Variants in KCNJ16 observed in about 807,000 individuals in gnomAD.
The protein encoded by KCNJ16 is potassium inwardly rectifying channel subfamily J member 16.
A neutral mutation model predicts 18.5 loss-of-function variants in KCNJ16; 15 were observed. The observed-to-expected ratio is 0.81, with a 90% CI of 0.54 to 1.25. The LOEUF (loss-of-function observed/expected upper bound fraction) is 1.25, where lower values mean the gene tolerates loss of function less well. KCNJ16 is among the 50% of genes most tolerant of loss of function. KCNJ16 has a pLI of 0.00. For missense variants in KCNJ16, 523 were observed against 525.7 expected, an observed-to-expected ratio of 0.99 and a Z score of 0.05; for synonymous variants, 174 against 186.5, an observed-to-expected ratio of 0.93 and a Z score of 0.55.
intron 2 of KCNJ16, among the ~76,000 whole-genome samples, chr17:70,111,911 T>G (rs192410422): frequency 2.6e-4 from 39 of 152,296 alleles, no homozygotes; most frequent in African/African-American, 9.1e-4. Flanking sequence ...TTTTTCTGTA[T>G]ATAAATTACC....
chr17:70,121,624 T>C (rs1034997346), intron 2 of KCNJ16, among the ~76,000 whole-genome samples: 3 of 152,064 alleles, frequency 2.0e-5, no homozygotes, highest in African/African-American at 7.2e-5. Context: ...AAGAGTGACA[T>C]GTTTTGGCTT....
In KCNJ16 at chr17:70,079,966, G is replaced by C. The variant is rs536421965; in HGVS notation, c.-300+4576G>C. On this transcript the variant is annotated intron_variant, in intron 1 of 3. Transcript: ENST00000392671. ...AATCCACCCACTTCGGCCTCCCAAAGTGCTGGGATTACAGGCGTGAGCAAC... is the reference window on the plus strand; with the variant it reads ...AATCCACCCACTTCGGCCTCCCAAACTGCTGGGATTACAGGCGTGAGCAAC... Among the ~76,000 whole-genome samples the C allele has an allele frequency of 3.3e-5, 5 of 152,294 alleles. No individual in the cohort carries two copies. The East Asian group carries it at 9.6e-4, about 29-fold the overall frequency.
intron 1 of KCNJ16, among the ~76,000 whole-genome samples, chr17:70,083,806 T>C (rs1405657066): frequency 6.6e-6 from 1 of 152,202 alleles, no homozygotes; most frequent in Non-Finnish European, 1.5e-5. Context: ...TCCCTGTATC[T>C]GGCACTGGAG....
intron 2 of KCNJ16, among the ~76,000 whole-genome samples, chr17:70,122,179 T>A (rs1861550078): frequency 6.6e-6 from 1 of 151,254 alleles, no homozygotes; most frequent in Non-Finnish European, 1.5e-5. Flanking sequence ...TCGGATACTT[T>A]TTTTTTTTTT....
At chr17:70,124,898 T>TTG (rs71149824) in intron 2 of KCNJ16, among the ~76,000 whole-genome samples, 1,690 of 151,204 alleles carry the variant, frequency 0.011, 18 homozygotes, top group Non-Finnish European at 0.02. Context: ...GGGTGTGTGT[T>TTG]TGTGTGTGTG....
At chr17:70,107,959 AAC>A (rs1216117853) in intron 2 of KCNJ16, among the ~76,000 whole-genome samples, 3 of 152,224 alleles carry the variant, frequency 2.0e-5, no homozygotes, top group African/African-American at 4.8e-5. Context: ...ATTCAGAGTT[AAC>A]ACTCAGTAGA....
At chr17:70,099,331 T>A (rs2072521834) in intron 1 of KCNJ16, among the ~76,000 whole-genome samples, 1 of 152,000 alleles carries the variant, frequency 6.6e-6, no homozygotes, top group South Asian at 2.1e-4. Flanking sequence ...AAAATGTTTA[T>A]CTTTATGTGA....
At chr17:70,084,256 TCA>T (rs2071691602) in intron 1 of KCNJ16, among the ~76,000 whole-genome samples, 1 of 152,178 alleles carries the variant, frequency 6.6e-6, no homozygotes, top group African/African-American at 2.4e-5. Context: ...ACACGTAGTC[TCA>T]GTTAGTTAAA....
intron 1 of KCNJ16, chr17:70,096,738 A>G (rs1239068250): frequency 2.6e-6 from 1 of 380,150 alleles, no homozygotes; most frequent in Non-Finnish European, 4.7e-6. Context: ...CTTCTCCTTT[A>G]TTGAGAATCA....
At position 70,116,413 on chromosome 17, in the gene KCNJ16, C is replaced by T. The variant is rs527457696; in HGVS notation, c.-190-14466C>T. On this transcript the variant is annotated intron_variant, in intron 2 of 3. Transcript: ENST00000392671. ...ATGTAGTCGTGTCTTTGTATTCATCCGTAATAATTTCTTTAGAAAAAAATT... is the reference window on the plus strand; with the variant it reads ...ATGTAGTCGTGTCTTTGTATTCATCTGTAATAATTTCTTTAGAAAAAAATT... Among the ~76,000 whole-genome samples the T allele has an allele frequency of 3.9e-5, 6 of 152,156 alleles. No individual in the cohort carries two copies. The South Asian group carries it at 8.3e-4, about 21-fold the overall frequency.
intron 1 of KCNJ16, among the ~76,000 whole-genome samples, chr17:70,085,719 A>G (rs190455488): frequency 9.8e-5 from 15 of 152,316 alleles, no homozygotes; most frequent in Admixed American, 8.5e-4. Flanking sequence ...AGTCTATTTC[A>G]TACATCAACC....
In KCNJ16 at chr17:70,132,118, A is replaced by G. The variant is rs9302912; in HGVS notation, c.31A>G (p.Ile11Val). The change falls in exon 4 of 4, where the codon ATC becomes GTC. Residue 11 changes from isoleucine (I) to valine (V), a missense_variant. Physicochemically the swap from Ile to Val is conservative, Grantham distance 29. Coordinates refer to ENST00000392671, the MANE Select transcript of KCNJ16 (RefSeq NM_170741.4). ...CTATTACGGCAGCAGCTATCATATT[A>G]TCAATGCGGACGCAAAATACCCAGG... MSYYGSSYHI[I>V]NADAKYPGYP... is the part of the protein sequence containing the mutation. 21,195 of 1,614,136 alleles carry G rather than the reference A, an allele frequency of 0.013. 2,419 individuals carry two copies. In the African/African-American group the frequency reaches 0.25, roughly 19 times the overall value.
intron 1 of KCNJ16, among the ~76,000 whole-genome samples, chr17:70,077,308 G>A (rs2071358515): frequency 6.6e-6 from 1 of 151,980 alleles, no homozygotes; most frequent in African/African-American, 2.4e-5. Context: ...ATTTAGATAA[G>A]TGGAGAGACA....
intron 2 of KCNJ16, among the ~76,000 whole-genome samples, chr17:70,112,386 T>A (rs1270087181): frequency 6.6e-6 from 1 of 151,608 alleles, no homozygotes; most frequent in African/African-American, 2.4e-5. Flanking sequence ...AATGAGGGCA[T>A]CCAGTCTATG....
intron 1 of KCNJ16, among the ~76,000 whole-genome samples, chr17:70,075,806 C>A (rs1300831795): frequency 6.8e-6 from 1 of 148,080 alleles, no homozygotes; most frequent in African/African-American, 2.5e-5. Flanking sequence ...TATTTTATAC[C>A]CCCCTCTTAA....
chr17:70,116,288 T>C lies in KCNJ16; in HGVS notation c.-190-14591T>C, dbSNP rs903779867. ...TCTACTCCATTACTTTTAATGGCTA[T>C]AGAGTAATCATATGATTGTACCATT... On this transcript the variant is annotated intron_variant, in intron 2 of 3. Transcript: ENST00000392671. Among the ~76,000 whole-genome samples, 6 of 152,320 alleles carry C rather than the reference T, an allele frequency of 3.9e-5. No individual in the cohort carries two copies. The East Asian group carries it at 1.2e-3, about 29-fold the overall frequency.
Position 70,132,831 on chromosome 17 carries a change from C to A in KCNJ16, c.744C>A (p.Val248=). The A allele has an allele frequency of 1.2e-6, 2 of 1,614,022 alleles. No homozygotes were observed. Among genetic ancestry groups the A allele is most frequent in the Non-Finnish European group, 8.5e-7 (1 of 1,180,046 alleles). Residue 248 remains valine, a synonymous_variant, in exon 4 of 4, where the codon GTC becomes GTA. Transcript: ENST00000392671. ...LKLVNDQIIL[V]TPVTIVHEID... The stretch of plus-strand genomic sequence containing the variant: ...TAGTCAACGACCAAATCATCCTGGT[C>A]ACCCCGGTAACTATTGTCCATGAAA...
chr17:70,097,177 G>C (rs571745041), intron 1 of KCNJ16, among the ~76,000 whole-genome samples: 4 of 152,224 alleles, frequency 2.6e-5, no homozygotes, highest in African/African-American at 7.2e-5. Context: ...GACCTCACTG[G>C]GAGGTTTGTT....
At chr17:70,104,348 C>G (rs2072812539) in intron 2 of KCNJ16, among the ~76,000 whole-genome samples, 1 of 152,156 alleles carries the variant, frequency 6.6e-6, no homozygotes, top group African/African-American at 2.4e-5. Context: ...AAAACAAGAC[C>G]AGCATGTTGA....
Sources: gnomAD v4.1 joint callset for allele counts (sites outside exome capture counted in the v4.1 genomes callset) on GRCh38, gnomAD v4.1.1 for gene constraint, MANE v1.5 for transcripts, NCBI Gene and HGNC (gene_info 2026-07-23, HGNC 2026-07-21) for gene names.